The following SETD2 variants were observed in gnomAD, a reference collection of about 807,000 sequenced individuals.
SETD2 encodes the protein histone-lysine N-methyltransferase SETD2.
A neutral mutation model predicts 242.1 loss-of-function variants in SETD2; 31 were observed. The ratio of observed to expected loss-of-function variants is 0.13; its 90% CI spans 0.10 to 0.17. The LOEUF is 0.17. Ranked by LOEUF, SETD2 falls within the 10% of genes least tolerant of loss-of-function variation. The probability of loss-of-function intolerance (pLI) is 1.00; values close to 1 mark genes in which losing one functional copy is unlikely to be tolerated. For missense variants in SETD2, 2,481 were observed against 3,046.3 expected (o/e 0.81, Z 4.37); for synonymous variants, 1,006 against 1,066.5 (o/e 0.94, Z 1.11).
intron 18 of SETD2, among the ~76,000 whole-genome samples, chr3:47,034,182 G>A (rs1265287237): frequency 6.6e-6 from 1 of 152,078 alleles, no homozygotes; most frequent in Non-Finnish European, 1.5e-5. Context: ...ACATACAATG[G>A]CAGAAAAGAA....
chr3:47,134,476 C>T (rs1374130788), intron 1 of SETD2, among the ~76,000 whole-genome samples: 3 of 152,148 alleles, frequency 2.0e-5, no homozygotes, highest in Non-Finnish European at 4.4e-5. Context: ...CAAACCTCTT[C>T]TAAACACACT....
At chr3:47,023,383 G>C (rs746535544) in intron 18 of SETD2, among the ~76,000 whole-genome samples, 2 of 152,020 alleles carry the variant, frequency 1.3e-5, no homozygotes, top group African/African-American at 4.8e-5. Context: ...CTGGGTGACA[G>C]AGCGAGACTC....
chr3:47,109,678 G>A (rs1370471427), intron 5 of SETD2, among the ~76,000 whole-genome samples: 3 of 151,894 alleles, frequency 2.0e-5, no homozygotes, highest in African/African-American at 4.8e-5. Context: ...GGAGGGGAAA[G>A]ATGGCTTCTA....
chr3:47,140,648 G>A (rs1474609207), intron 1 of SETD2, among the ~76,000 whole-genome samples: 26 of 152,246 alleles, frequency 1.7e-4, no homozygotes, highest in East Asian at 7.7e-4. Context: ...ATCACTTGAG[G>A]TCAGGAGTTC....
chr3:47,146,749 C>A (rs2106810056), intron 1 of SETD2, among the ~76,000 whole-genome samples: 1 of 152,008 alleles, frequency 6.6e-6, no homozygotes, highest in Non-Finnish European at 1.5e-5. Context: ...CCAGCCCGGG[C>A]AACATGGAGA....
chr3:47,064,596 G>T (rs1018828535), intron 13 of SETD2: 1 of 371,338 alleles, frequency 2.7e-6, no homozygotes, highest in Non-Finnish European at 5.7e-6. Context: ...AATATGTGAG[G>T]CAGACAAGTC....
Position 47,120,618 on chromosome 3 carries a change from TCTC to T in SETD2, c.4015_4017del (p.Glu1339del), listed in dbSNP as rs1314839067. On this transcript the variant is annotated inframe_deletion, in exon 3 of 21. Coordinates refer to ENST00000409792, the MANE Select transcript of SETD2 (RefSeq NM_014159.7). ...TGGGATCCATCCTGTTGATCCCAAT[TCTC>T]CTCTTCTTCACGATCATCTGTTAGG... The T allele has an allele frequency of 1.9e-6, 3 of 1,613,952 alleles. No individual in the cohort carries two copies. The highest frequency in any genetic ancestry group is 2.2e-5 in the South Asian group (2 of 91,088).
At position 47,120,736 on chromosome 3, in the gene SETD2, C is replaced by A. The variant is rs2107745324; in HGVS notation, c.3900G>T (p.Trp1300Cys). 1 of 1,614,172 alleles carries A rather than the reference C, an allele frequency of 6.2e-7. No individual in the cohort carries two copies. Among genetic ancestry groups the A allele is most frequent in the Non-Finnish European group, 8.5e-7 (1 of 1,180,034 alleles). ...TTGGATCCCAGTAACCATTGCCTTG[C>A]CAGTAATCACGTGTCCCACCATACT... ...AEQYGGTRDY[W>C]QGNGYWDPRS... Residue 1300 changes from tryptophan (W) to cysteine (C), a missense_variant, in exon 3 of 21, where the codon TGG becomes TGT. Coordinates refer to ENST00000409792, the MANE Select transcript of SETD2 (RefSeq NM_014159.7).
rs2107485846 is a variant in SETD2 at position 47,017,247 on chromosome 3, T to G, written c.7541A>C (p.His2514Pro). 6.2e-7 allele frequency: 1 copy of G among 1,614,052 alleles called. No homozygotes were observed. The highest frequency in any genetic ancestry group is 8.5e-7 in the Non-Finnish European group (1 of 1,179,994). ...DFKHLARKLT[H>P]GVMNKELKYC... Reference sequence around the variant, plus strand: ...CTTCAGCTCCTTATTCATAACACCGTGAGTCAGCTGTCCAGGGCACAGGAA... The same window carrying G: ...CTTCAGCTCCTTATTCATAACACCGGGAGTCAGCTGTCCAGGGCACAGGAA... Residue 2514 changes from histidine (H) to proline (P), a missense_variant, in exon 21 of 21, where the codon CAC becomes CCC. His to Pro is a moderately conservative substitution (Grantham distance 77). Around this residue, in one of 17 missense-constraint regions of SETD2, gnomAD observed 1 missense variants for 20.1 expected, o/e 0.05. Coordinates refer to ENST00000409792, the MANE Select transcript of SETD2 (RefSeq NM_014159.7). This position sits in a 1 kb window ranked among gnomAD's most constrained non-coding sequence, Gnocchi z 4.8.
chr3:47,060,492 C>G (rs913372138), intron 14 of SETD2, among the ~76,000 whole-genome samples: 1 of 152,082 alleles, frequency 6.6e-6, no homozygotes, highest in African/African-American at 2.4e-5. Flanking sequence ...GAGATCTTCC[C>G]ATATATGAAA....
rs1553690598 is a variant in SETD2 at position 47,084,738 on chromosome 3, G to GT, written c.5398-357dup. Among the ~76,000 whole-genome samples the GT allele has an allele frequency of 4.8e-3, 681 of 140,838 alleles. 8 individuals carry two copies. Among genetic ancestry groups the GT allele is most frequent in the African/African-American group, 0.013 (494 of 38,470 alleles). The allele number at this position is 140,838 out of a possible 152,430, so 92.4% of individuals were successfully genotyped here. ...ACCACACCTGGCTACAGTTGATTTT[G>GT]TTTTTTTTTTGAGATGGAGTTTCGC... On this transcript the variant is annotated intron_variant, in intron 11 of 20. Coordinates refer to ENST00000409792, the MANE Select transcript of SETD2 (RefSeq NM_014159.7).
At chr3:47,106,532 C>G (rs1423905842) in intron 5 of SETD2, among the ~76,000 whole-genome samples, 1 of 131,026 alleles carries the variant, frequency 7.6e-6, no homozygotes, top group South Asian at 2.2e-4. Context: ...AAAAAGGCAG[C>G]CGGGCGCAGA....
intron 3 of SETD2, among the ~76,000 whole-genome samples, chr3:47,119,273 T>C (rs1186461705): frequency 6.6e-6 from 1 of 152,208 alleles, no homozygotes; most frequent in Non-Finnish European, 1.5e-5. Flanking sequence ...TAGAGGACTA[T>C]GTTTTCATTA....
At position 47,113,963 on chromosome 3, in the gene SETD2, C is replaced by T. The variant is rs752011468; in HGVS notation, c.4628G>A (p.Arg1543Gln). Residue 1543 changes from arginine (R) to glutamine (Q), a missense_variant, in exon 5 of 21, where the codon CGG (arginine) becomes CAG (glutamine). Around this residue, in one of 17 missense-constraint regions of SETD2, gnomAD observed 61 missense variants for 221.4 expected, o/e 0.28. Transcript: ENST00000409792. ...ATCTGCATGCTGTTTTCTCTGAAAC[C>T]GTCTATTGGAACAATAATCCCCATT... ...CPNGDYCSNRRFQRKQHADVE... is the reference protein window; with the variant it reads ...CPNGDYCSNRQFQRKQHADVE... The T allele has an allele frequency of 3.7e-6, 6 of 1,611,778 alleles. No individual in the cohort carries two copies. The highest frequency in any genetic ancestry group is 5.1e-6 in the Non-Finnish European group (6 of 1,178,762).
intron 13 of SETD2, among the ~76,000 whole-genome samples, chr3:47,065,390 T>C (rs1185911281): frequency 4.6e-5 from 7 of 151,870 alleles, no homozygotes; most frequent in Admixed American, 3.3e-4. Context: ...AAAATCACAC[T>C]GGCTTCTTCA....
At chr3:47,119,763 A>T (rs1167058408) in intron 3 of SETD2, 3 of 469,028 alleles carry the variant, frequency 6.4e-6, no homozygotes, top group Non-Finnish European at 1.3e-5. Context: ...CTAATACAGT[A>T]CCCAAAGATA....
At chr3:47,061,718 C>T (rs1018748735) in intron 14 of SETD2, among the ~76,000 whole-genome samples, 23 of 152,086 alleles carry the variant, frequency 1.5e-4, no homozygotes, top group Admixed American at 7.2e-4. Flanking sequence ...CTCCAGTAAA[C>T]GATTACATGG....
At chr3:47,029,064 AAT>A in intron 18 of SETD2, 1 of 164,724 alleles carries the variant, frequency 6.1e-6, no homozygotes, top group South Asian at 9.7e-5. Flanking sequence ...CCAAACTTTT[AAT>A]TTTTTTTTTT....
chr3:47,129,979 A>T (rs2043440044), intron 1 of SETD2, among the ~76,000 whole-genome samples: 1 of 152,198 alleles, frequency 6.6e-6, no homozygotes, highest in African/African-American at 2.4e-5. Flanking sequence ...AGACAAAGAA[A>T]ATTCAAGCGT....
Sources: gnomAD v4.1 joint callset for allele counts (sites outside exome capture counted in the v4.1 genomes callset) on GRCh38, gnomAD v4.1.1 for gene constraint, gnomAD v4.1.1 regional missense constraint, Gnocchi (gnomAD v3.1) non-coding constraint, MANE v1.5 for transcripts, NCBI Gene and HGNC (gene_info 2026-07-23, HGNC 2026-07-21) for gene names.